ACSM6: variants seen among roughly 807,000 people sequenced by gnomAD.
The protein encoded by ACSM6 is acyl-CoA synthetase medium chain family member 6.
ACSM6 carries 35 observed loss-of-function variants against 51.1 expected under a neutral mutation model. The observed-to-expected ratio is 0.69, with a 90% confidence interval of 0.52 to 0.91. ACSM6 has a LOEUF of 0.91. Ranked by LOEUF, ACSM6 falls within the 40% of genes least tolerant of loss-of-function variation. The pLI, the probability that ACSM6 is intolerant of heterozygous loss-of-function variation, is 0.00. For missense variants in ACSM6, 509 were observed against 584.1 expected, an observed-to-expected ratio of 0.87 and a Z score of 1.32; for synonymous variants, 172 against 207.3, an observed-to-expected ratio of 0.83 and a Z score of 1.46.
exon 11 of ACSM6, chr10:95,228,821 G>A (rs775786946): frequency 1.4e-4 from 214 of 1,538,836 alleles, no homozygotes; most frequent in Non-Finnish European, 1.7e-4. Flanking sequence ...GGGGCTGTGG[G>A]AGTTTGAAGA....
At chr10:95,201,722 C>A (rs1171351915) in intron 2 of ACSM6, 8 of 549,760 alleles carry the variant, frequency 1.5e-5, no homozygotes, top group Admixed American at 2.5e-5. Flanking sequence ...CTGGGCAGGG[C>A]TGGTTTCACG....
At chr10:95,224,549 C>A (rs11599884) in intron 9 of ACSM6, among the ~76,000 whole-genome samples, 1 of 151,974 alleles carries the variant, frequency 6.6e-6, no homozygotes, top group East Asian at 1.9e-4. Context: ...TATAGGCATG[C>A]GCCACCACGC....
intron 10 of ACSM6, chr10:95,228,386 A>G: frequency 2.7e-6 from 1 of 375,988 alleles, no homozygotes; most frequent in Non-Finnish European, 4.8e-6. Context: ...TTTAAGCCTC[A>G]GGACAAACCT....
At chr10:95,196,521 T>G (rs1589488479) in intron 2 of ACSM6, among the ~76,000 whole-genome samples, 1 of 152,222 alleles carries the variant, frequency 6.6e-6, no homozygotes, top group East Asian at 1.9e-4. Context: ...ATGAAAAAAT[T>G]TTAATATGGA....
chr10:95,219,328 T>A (rs2034972190), intron 8 of ACSM6, among the ~76,000 whole-genome samples: 2 of 151,992 alleles, frequency 1.3e-5, no homozygotes, highest in South Asian at 2.1e-4. Context: ...TCCTCTACAA[T>A]CCCAAAAACA....
intron 3 of ACSM6, among the ~76,000 whole-genome samples, chr10:95,206,082 C>T (rs1304651690): frequency 6.6e-6 from 1 of 152,130 alleles, no homozygotes; most frequent in Admixed American, 6.5e-5. Flanking sequence ...ATTCACAAAG[C>T]TGGGCAACCA....
intron 2 of ACSM6, among the ~76,000 whole-genome samples, chr10:95,196,806 A>G (rs541538031): frequency 1.3e-5 from 2 of 152,374 alleles, no homozygotes; most frequent in South Asian, 4.1e-4. Flanking sequence ...ACCTTTCAAC[A>G]CCAATAAATA....
rs1429932600 is a variant in ACSM6 at position 95,194,376 on chromosome 10, C to T, written c.-22+73C>T. 3 of 1,021,032 alleles carry T rather than the reference C, an allele frequency of 2.9e-6. No individual in the cohort carries two copies. In the Admixed American group the frequency reaches 7.7e-5, roughly 26 times the overall value. The allele number at this position is 1,021,032 out of a possible 1,614,324, so 63.2% of individuals were successfully genotyped here. ...CTTGTACTCATAAGGAAATTGTTTG[C>T]CTTATGGATTCATTCTCAGCACTAC... is the stretch of plus-strand genomic sequence containing the variant. On this transcript the variant is annotated intron_variant, in intron 1 of 10. Transcript: ENST00000341686.
intron 6 of ACSM6, among the ~76,000 whole-genome samples, chr10:95,212,583 C>T (rs1287120820): frequency 6.6e-6 from 1 of 152,184 alleles, no homozygotes; most frequent in Non-Finnish European, 1.5e-5. Context: ...CAAAACAAGG[C>T]TTCTTGGATC....
chr10:95,222,654 C>T (rs1330735541), intron 9 of ACSM6, among the ~76,000 whole-genome samples: 3 of 150,878 alleles, frequency 2.0e-5, no homozygotes, highest in Admixed American at 6.6e-5. Context: ...ACTCATAGAT[C>T]TGGAAAGTGA....
At chr10:95,203,472 T>C (rs991339994) in intron 3 of ACSM6, among the ~76,000 whole-genome samples, 5 of 152,070 alleles carry the variant, frequency 3.3e-5, no homozygotes, top group African/African-American at 1.2e-4. Flanking sequence ...GCCAAGAAGG[T>C]TGGGGACCAC....
intron 8 of ACSM6, among the ~76,000 whole-genome samples, chr10:95,216,734 A>G (rs2034948808): frequency 6.6e-6 from 1 of 151,984 alleles, no homozygotes; most frequent in Non-Finnish European, 1.5e-5. Flanking sequence ...ATAAGTAGAA[A>G]CCTCTTCCCA....
At chr10:95,218,956 G>A (rs2034969171) in intron 8 of ACSM6, among the ~76,000 whole-genome samples, 1 of 152,180 alleles carries the variant, frequency 6.6e-6, no homozygotes, top group African/African-American at 2.4e-5. Flanking sequence ...AATAGGTACT[G>A]GAAAAATAAC....
chr10:95,220,005 T>C, intron 9 of ACSM6, 34 bp downstream of exon 9: 2 of 1,512,470 alleles, frequency 1.3e-6, no homozygotes, highest in African/African-American at 2.8e-5. Context: ...TGACAGATAT[T>C]ATTAAGTGAG....
At chr10:95,227,052 T>A (rs941745965) in intron 10 of ACSM6, among the ~76,000 whole-genome samples, 5 of 151,558 alleles carry the variant, frequency 3.3e-5, no homozygotes, top group African/African-American at 1.2e-4. Context: ...AGTGGCACAA[T>A]CTTGGCTCAC....
intron 2 of ACSM6, among the ~76,000 whole-genome samples, chr10:95,197,657 C>T (rs947344044): frequency 6.6e-6 from 1 of 152,172 alleles, no homozygotes; most frequent in African/African-American, 2.4e-5. Flanking sequence ...AATGTACAAT[C>T]GGGTTTTATA....
chr10:95,224,552 C>T (rs534242647), intron 9 of ACSM6, among the ~76,000 whole-genome samples: 10 of 152,316 alleles, frequency 6.6e-5, no homozygotes, highest in Admixed American at 1.3e-4. Flanking sequence ...AGGCATGCGC[C>T]ACCACGCCCA....
rs756497597 is a variant in ACSM6 at position 95,212,054 on chromosome 10, T to C, written c.912+20T>C. The stretch of plus-strand genomic sequence containing the variant: ...CTAAATGTAAGATCAATTCCTAGTG[T>C]GGAATGTGTGGGACAAAGGCCAGAG... On this transcript the variant is annotated intron_variant, in intron 6 of 10. Transcript: ENST00000341686. The C allele has an allele frequency of 6.2e-7, 1 of 1,613,570 alleles. No homozygotes were observed. The highest frequency in any genetic ancestry group is 1.7e-5 in the Admixed American group (1 of 60,006).
At chr10:95,198,602 G>A (rs994814837) in intron 2 of ACSM6, among the ~76,000 whole-genome samples, 1 of 150,166 alleles carries the variant, frequency 6.7e-6, no homozygotes, top group South Asian at 2.1e-4. Flanking sequence ...AGTGAGCTGA[G>A]ATCATGCCAC....
Sources: allele counts gnomAD v4.1 joint callset (sites outside exome capture counted in the v4.1 genomes callset), GRCh38; gene constraint gnomAD v4.1.1; transcripts MANE v1.5; gene names NCBI Gene and HGNC (gene_info 2026-07-23, HGNC 2026-07-21).